PTPRD: variants seen among roughly 807,000 people sequenced by gnomAD.
PTPRD encodes the protein protein tyrosine phosphatase receptor type D.
In PTPRD, 34 loss-of-function variants were observed where a neutral mutation model predicts 214.5. The observed-to-expected ratio is 0.16, with a 90% CI of 0.12 to 0.21. The LOEUF (loss-of-function observed/expected upper bound fraction) is 0.21, where lower values mean the gene tolerates loss of function less well. PTPRD is among the 10% of genes least tolerant of loss of function. PTPRD has a pLI of 1.00. For synonymous variants in PTPRD, 1,128 were observed against 845.7 expected, an observed-to-expected ratio of 1.33 and a Z score of -5.79; for missense variants, 2,545 against 2,398.7, an observed-to-expected ratio of 1.06 and a Z score of -1.27.
intron 3 of PTPRD, among the ~76,000 whole-genome samples, chr9:10,188,600 G>A (rs139391648): frequency 0.03 from 4,435 of 147,670 alleles, 107 homozygotes; most frequent in Middle Eastern, 0.058. Context: ...AAATAAAACT[G>A]TCATTCTCAA....
intron 10 of PTPRD, among the ~76,000 whole-genome samples, chr9:9,052,637 C>T (rs1159941480): frequency 6.6e-6 from 1 of 152,162 alleles, no homozygotes; most frequent in Non-Finnish European, 1.5e-5. Flanking sequence ...CATGGACTTT[C>T]CCTCTCCCAT....
chr9:9,244,430 A>G lies in PTPRD; in HGVS notation c.-202-61067T>C, dbSNP rs553857527. On this transcript the variant is annotated intron_variant, in intron 9 of 45. Coordinates refer to ENST00000381196, the MANE Select transcript of PTPRD (RefSeq NM_002839.4). ...ACCAAAACACCATGGTACTGGTACC[A>G]ATACAGAGATATAGACCAATGGAAC... 7.2e-5 allele frequency among the ~76,000 whole-genome samples: 11 copies of G among 152,296 alleles called. No individual in the cohort carries two copies. The East Asian group carries it at 2.1e-3, about 30-fold the overall frequency.
intron 5 of PTPRD, among the ~76,000 whole-genome samples, chr9:9,807,310 C>T (rs1206648025): frequency 6.6e-6 from 1 of 152,126 alleles, no homozygotes; most frequent in Non-Finnish European, 1.5e-5. Context: ...TTTCTATTCC[C>T]TGTCCTCTTC....
chr9:10,212,898 G>A (rs1209125951), intron 3 of PTPRD, among the ~76,000 whole-genome samples: 3 of 152,116 alleles, frequency 2.0e-5, no homozygotes, highest in Non-Finnish European at 2.9e-5. Flanking sequence ...CGGCAGATGT[G>A]CATGACAGTG....
At chr9:8,831,410 G>C (rs1013463239) in intron 11 of PTPRD, among the ~76,000 whole-genome samples, 1 of 151,914 alleles carries the variant, frequency 6.6e-6, no homozygotes, top group African/African-American at 2.4e-5. Flanking sequence ...ACTGCATTAG[G>C]AGACCGGACT....
intron 5 of PTPRD, among the ~76,000 whole-genome samples, chr9:9,860,400 G>C (rs1222295347): frequency 6.6e-6 from 1 of 152,172 alleles, no homozygotes; most frequent in Non-Finnish European, 1.5e-5. Context: ...ATATAAAGTA[G>C]GTACATTTGC....
chr9:8,445,056 C>T (rs2095671262), intron 34 of PTPRD, among the ~76,000 whole-genome samples: 1 of 152,114 alleles, frequency 6.6e-6, no homozygotes, highest in Non-Finnish European at 1.5e-5. Context: ...CCAGTAAACT[C>T]CTCTACTACG....
intron 8 of PTPRD, among the ~76,000 whole-genome samples, chr9:9,572,872 G>A (rs1591908575): frequency 2.0e-5 from 3 of 151,452 alleles, no homozygotes; most frequent in South Asian, 2.1e-4. Context: ...CCAAACTGCT[G>A]AAGTTAGGAT....
intron 39 of PTPRD, among the ~76,000 whole-genome samples, chr9:8,351,799 C>A (rs1423038365): frequency 1.4e-5 from 2 of 146,998 alleles, no homozygotes; most frequent in East Asian, 4.0e-4. Context: ...TGACCCAGAG[C>A]CATGATCACT....
At chr9:8,560,103 G>A (rs1428263456) in intron 14 of PTPRD, among the ~76,000 whole-genome samples, 1 of 152,064 alleles carries the variant, frequency 6.6e-6, no homozygotes, top group Non-Finnish European at 1.5e-5. Context: ...TTCTTAGTGA[G>A]GAAAGAATTA....
intron 44 of PTPRD, among the ~76,000 whole-genome samples, chr9:8,320,444 G>C (rs1193571510): frequency 6.6e-6 from 1 of 152,020 alleles, no homozygotes; most frequent in Non-Finnish European, 1.5e-5. Flanking sequence ...TAACCTAAAT[G>C]TATTTGCCTA....
chr9:10,449,567 C>T (rs1026830334), intron 2 of PTPRD, among the ~76,000 whole-genome samples: 3 of 151,582 alleles, frequency 2.0e-5, no homozygotes, highest in Non-Finnish European at 2.9e-5. Flanking sequence ...CGTCTCTGCC[C>T]GGCCGCCATC....
At chr9:8,344,944 G>T (rs536501437) in intron 39 of PTPRD, among the ~76,000 whole-genome samples, 1 of 141,692 alleles carries the variant, frequency 7.1e-6, no homozygotes, top group African/African-American at 2.5e-5. Context: ...TTACTTTCTA[G>T]GTACAAACTC....
chr9:10,537,956 C>T (rs557358404), intron 2 of PTPRD, among the ~76,000 whole-genome samples: 18 of 152,080 alleles, frequency 1.2e-4, no homozygotes, highest in Admixed American at 1.1e-3. Flanking sequence ...GAGGATGACA[C>T]CTCGCAATCT....
At chr9:9,869,623 C>A (rs545871873) in intron 5 of PTPRD, among the ~76,000 whole-genome samples, 1 of 151,970 alleles carries the variant, frequency 6.6e-6, no homozygotes, top group African/African-American at 2.4e-5. Context: ...AAGACAATAC[C>A]TAAATCTAAC....
intron 8 of PTPRD, among the ~76,000 whole-genome samples, chr9:9,511,853 T>G (rs2096717232): frequency 6.6e-6 from 1 of 151,796 alleles, no homozygotes; most frequent in South Asian, 2.1e-4. Context: ...AAAGTTAAAC[T>G]ATTTCCAAAC....
At chr9:10,470,688 C>T (rs531943234) in intron 2 of PTPRD, among the ~76,000 whole-genome samples, 1 of 152,082 alleles carries the variant, frequency 6.6e-6, no homozygotes, top group Non-Finnish European at 1.5e-5. Context: ...CCCTTCTCCC[C>T]AGTTGTGACA....
At chr9:8,397,518 C>A (rs2091473681) in intron 36 of PTPRD, among the ~76,000 whole-genome samples, 1 of 151,704 alleles carries the variant, frequency 6.6e-6, no homozygotes, top group Admixed American at 6.6e-5. Flanking sequence ...ATGCCCCTTG[C>A]CCAAAAAAAG....
At chr9:9,396,705 C>T (rs1326041857) in intron 9 of PTPRD, among the ~76,000 whole-genome samples, 1 of 152,048 alleles carries the variant, frequency 6.6e-6, no homozygotes, top group African/African-American at 2.4e-5. Context: ...TTTTCCTTAT[C>T]GCAATTGAAT....
Sources: gnomAD v4.1 joint callset for allele counts (sites outside exome capture counted in the v4.1 genomes callset) on GRCh38, gnomAD v4.1.1 for gene constraint, MANE v1.5 for transcripts, NCBI Gene and HGNC (gene_info 2026-07-23, HGNC 2026-07-21) for gene names.